The following GTF2F2 variants were observed in gnomAD, a reference collection of about 807,000 sequenced individuals.
GTF2F2 encodes the protein general transcription factor IIF subunit 2.
In GTF2F2, 23 loss-of-function variants were observed where a neutral mutation model predicts 42.2. The ratio of observed to expected loss-of-function variants is 0.55; its 90% CI spans 0.39 to 0.77. GTF2F2 has a LOEUF of 0.77. Ranked by LOEUF, GTF2F2 falls within the 30% of genes least tolerant of loss-of-function variation. The probability of loss-of-function intolerance (pLI) is 0.00; values close to 1 mark genes in which losing one functional copy is unlikely to be tolerated. For synonymous variants in GTF2F2, 105 were observed against 100.8 expected, an observed-to-expected ratio of 1.04 and a Z score of -0.25; for missense variants, 261 against 287.2, an observed-to-expected ratio of 0.91 and a Z score of 0.66.
intron 1 of GTF2F2, among the ~76,000 whole-genome samples, chr13:45,131,020 A>G (rs1204784163): frequency 6.6e-6 from 1 of 152,152 alleles, no homozygotes; most frequent in Admixed American, 6.5e-5. Context: ...TGGGAGGCTG[A>G]GGTGGGCGGA....
chr13:45,271,766 G>C (rs1431052153), intron 7 of GTF2F2, among the ~76,000 whole-genome samples: 1 of 152,048 alleles, frequency 6.6e-6, no homozygotes, highest in Non-Finnish European at 1.5e-5. Flanking sequence ...TGGCCAGGCT[G>C]GTCTCAAACT....
chr13:45,232,820 A>G (rs1183303878), intron 5 of GTF2F2, among the ~76,000 whole-genome samples: 2 of 152,188 alleles, frequency 1.3e-5, no homozygotes, highest in African/African-American at 4.8e-5. Context: ...TTTTAAATGT[A>G]TCTCCTTCAG....
At chr13:45,136,361 G>A (rs78784515) in intron 1 of GTF2F2, among the ~76,000 whole-genome samples, 2,047 of 152,296 alleles carry the variant, frequency 0.013, 22 homozygotes, top group Non-Finnish European at 0.02. Flanking sequence ...TGAAATAATC[G>A]TAAGCCCAGT....
At chr13:45,202,155 G>A (rs779399619) in intron 4 of GTF2F2, among the ~76,000 whole-genome samples, 9 of 152,162 alleles carry the variant, frequency 5.9e-5, no homozygotes, top group Admixed American at 3.3e-4. Context: ...GGGAGGCTGA[G>A]GTGGGCGGAT....
chr13:45,211,481 C>CTCAAG (rs1873639548), intron 5 of GTF2F2, among the ~76,000 whole-genome samples: 1 of 150,938 alleles, frequency 6.6e-6, no homozygotes, highest in South Asian at 2.1e-4. Flanking sequence ...GTTGCCCAGG[C>CTCAAG]TGATCTCAAA....
intron 5 of GTF2F2, among the ~76,000 whole-genome samples, chr13:45,238,815 A>T (rs1011286651): frequency 1.4e-4 from 21 of 151,964 alleles, no homozygotes; most frequent in African/African-American, 5.1e-4. Context: ...GTGGTGGCGC[A>T]TGCCTGTAAT....
chr13:45,203,742 A>G (rs1873307632), intron 4 of GTF2F2, among the ~76,000 whole-genome samples: 1 of 152,140 alleles, frequency 6.6e-6, no homozygotes, highest in South Asian at 2.1e-4. Flanking sequence ...CCTATTACCC[A>G]CTAGTATATA....
chr13:45,128,265 C>T (rs900210851), intron 1 of GTF2F2, among the ~76,000 whole-genome samples: 2 of 148,086 alleles, frequency 1.4e-5, no homozygotes, highest in South Asian at 2.1e-4. Flanking sequence ...CGGCCTCCCC[C>T]CTGGCCTTTT....
intron 7 of GTF2F2, among the ~76,000 whole-genome samples, chr13:45,272,792 G>C (rs114092861): frequency 6.7e-6 from 1 of 150,128 alleles, no homozygotes; most frequent in African/African-American, 2.4e-5. Context: ...CCAGGCTGGA[G>C]TGCTCAAAGC....
intron 5 of GTF2F2, among the ~76,000 whole-genome samples, chr13:45,234,389 A>G (rs1874844323): frequency 6.6e-6 from 1 of 152,254 alleles, no homozygotes; most frequent in Non-Finnish European, 1.5e-5. Context: ...TAAATCATCA[A>G]CTATTTTCAC....
chr13:45,274,410 T>G (rs1876935862), intron 7 of GTF2F2, among the ~76,000 whole-genome samples: 1 of 145,432 alleles, frequency 6.9e-6, no homozygotes, highest in Non-Finnish European at 1.5e-5. Flanking sequence ...CACTGCAACG[T>G]CCGCCTCCCA....
intron 5 of GTF2F2, among the ~76,000 whole-genome samples, chr13:45,227,736 A>T (rs1300381168): frequency 6.6e-6 from 1 of 152,220 alleles, no homozygotes; most frequent in East Asian, 1.9e-4. Flanking sequence ...ATTAAATGAC[A>T]TATTGGGTTA....
intron 4 of GTF2F2, among the ~76,000 whole-genome samples, chr13:45,184,981 T>G (rs763936709): frequency 7.9e-5 from 12 of 151,682 alleles, no homozygotes; most frequent in East Asian, 1.9e-4. Context: ...CCAACTGTTT[T>G]TGTGTGTGTG....
chr13:45,142,471 A>G (rs190252412), intron 2 of GTF2F2, among the ~76,000 whole-genome samples: 1 of 152,270 alleles, frequency 6.6e-6, no homozygotes, highest in East Asian at 1.9e-4. Context: ...TCTGGCCCTC[A>G]GAATTTCTTA....
intron 7 of GTF2F2, among the ~76,000 whole-genome samples, chr13:45,269,179 A>G (rs1442302240): frequency 6.6e-6 from 1 of 152,242 alleles, no homozygotes; most frequent in South Asian, 2.1e-4. Context: ...GTTGTATGCT[A>G]TTCCTATCCC....
intron 5 of GTF2F2, among the ~76,000 whole-genome samples, chr13:45,223,385 A>G (rs887216044): frequency 1.3e-5 from 2 of 152,170 alleles, no homozygotes; most frequent in Non-Finnish European, 1.5e-5. Flanking sequence ...CAAGAAATAC[A>G]TAAAATTAAT....
chr13:45,171,017 T>C (rs1871568654), intron 4 of GTF2F2, among the ~76,000 whole-genome samples: 1 of 151,748 alleles, frequency 6.6e-6, no homozygotes, highest in African/African-American at 2.4e-5. Context: ...GAAAGCAACG[T>C]TGCTTGCATG....
intron 4 of GTF2F2, among the ~76,000 whole-genome samples, chr13:45,196,293 G>A (rs916705920): frequency 2.0e-5 from 3 of 152,134 alleles, no homozygotes; most frequent in Non-Finnish European, 2.9e-5. Context: ...AGAATTTTTA[G>A]TATTTTATCT....
chr13:45,138,123 TC>T, intron 2 of GTF2F2, among the ~76,000 whole-genome samples: 1 of 152,332 alleles, frequency 6.6e-6, no homozygotes, highest in South Asian at 2.1e-4. Context: ...TCTTCTCCTC[TC>T]GCCTCATTGG....
Sources: gnomAD v4.1 joint callset for allele counts (sites outside exome capture counted in the v4.1 genomes callset) on GRCh38, gnomAD v4.1.1 for gene constraint, MANE v1.5 for transcripts, NCBI Gene and HGNC (gene_info 2026-07-23, HGNC 2026-07-21) for gene names.